KCNH1: variants seen among roughly 807,000 people sequenced by gnomAD.
The protein encoded by KCNH1 is voltage-gated delayed rectifier potassium channel KCNH1.
KCNH1 carries 27 observed loss-of-function variants against 69.2 expected under a neutral mutation model. That is an observed-to-expected ratio of 0.39 (90% confidence interval 0.29 to 0.54). The LOEUF is 0.54. Ranked by LOEUF, KCNH1 falls within the 20% of genes least tolerant of loss-of-function variation. The pLI, the probability that KCNH1 is intolerant of heterozygous loss-of-function variation, is 0.68. For missense variants in KCNH1, 798 were observed against 1,261.6 expected, an observed-to-expected ratio of 0.63 and a Z score of 5.57; for synonymous variants, 456 against 487.7, an observed-to-expected ratio of 0.93 and a Z score of 0.86.
chr1:210,703,532 A>T (rs1044160553), intron 10 of KCNH1, among the ~76,000 whole-genome samples: 2 of 152,236 alleles, frequency 1.3e-5, no homozygotes, highest in Non-Finnish European at 2.9e-5. Context: ...TAAAAGAAAT[A>T]ATGCATTTAA....
chr1:210,686,537 G>GGAGA (rs1341061708), intron 10 of KCNH1, among the ~76,000 whole-genome samples: 2 of 152,176 alleles, frequency 1.3e-5, no homozygotes, highest in Non-Finnish European at 2.9e-5. Flanking sequence ...AGAGAGGAGA[G>GGAGA]GAGAGAATAA....
chr1:211,020,506 C>A (rs11119659), intron 5 of KCNH1, among the ~76,000 whole-genome samples: 8,902 of 151,546 alleles, frequency 0.059, 328 homozygotes, highest in East Asian at 0.18. Context: ...AAAAAAATCT[C>A]CCAACAAAGA....
intron 6 of KCNH1, among the ~76,000 whole-genome samples, chr1:210,947,639 A>C (rs1239649550): frequency 6.6e-6 from 1 of 152,142 alleles, no homozygotes; most frequent in East Asian, 1.9e-4. Context: ...AATCAGTCAT[A>C]TATATGATGT....
At chr1:210,836,493 T>C (rs1196297158) in intron 7 of KCNH1, among the ~76,000 whole-genome samples, 1 of 152,104 alleles carries the variant, frequency 6.6e-6, no homozygotes, top group Non-Finnish European at 1.5e-5. Flanking sequence ...GCCCCTCAAT[T>C]TACTATAGAG....
intron 1 of KCNH1, among the ~76,000 whole-genome samples, chr1:211,108,207 A>G (rs1021513306): frequency 1.3e-5 from 2 of 152,190 alleles, no homozygotes; most frequent in East Asian, 1.9e-4. Flanking sequence ...CAGGATATCA[A>G]CTGTCCTTCC....
intron 6 of KCNH1, among the ~76,000 whole-genome samples, chr1:210,997,237 C>T (rs1019272688): frequency 6.6e-5 from 10 of 152,088 alleles, no homozygotes; most frequent in Non-Finnish European, 1.5e-4. Flanking sequence ...AAATTCAAAC[C>T]AATGGCAAAC....
intron 1 of KCNH1, among the ~76,000 whole-genome samples, chr1:211,111,630 C>T (rs1180017172): frequency 6.6e-6 from 1 of 150,466 alleles, no homozygotes; most frequent in Non-Finnish European, 1.5e-5. Flanking sequence ...TGCCCGGCCC[C>T]CGCCCCGTCT....
intron 9 of KCNH1, among the ~76,000 whole-genome samples, chr1:210,785,586 T>G (rs1684084181): frequency 6.6e-6 from 1 of 152,106 alleles, no homozygotes; most frequent in South Asian, 2.1e-4. Flanking sequence ...GGTGTTTCAC[T>G]GTGTTGACCA....
chr1:211,080,896 C>CAT (rs1690843730), intron 5 of KCNH1, among the ~76,000 whole-genome samples: 1 of 152,156 alleles, frequency 6.6e-6, no homozygotes, highest in African/African-American at 2.4e-5. Flanking sequence ...CCATTCAGGA[C>CAT]ATAGGCATGG....
intron 4 of KCNH1, among the ~76,000 whole-genome samples, chr1:211,086,470 G>C (rs1690954412): frequency 1.3e-5 from 2 of 152,146 alleles, no homozygotes; most frequent in African/African-American, 4.8e-5. Context: ...CGGATGCCAT[G>C]AGAAAATTGA....
intron 5 of KCNH1, among the ~76,000 whole-genome samples, chr1:211,070,418 T>TAAAAA (rs759773298): frequency 8.9e-6 from 1 of 112,558 alleles, no homozygotes; most frequent in Non-Finnish European, 2.0e-5. Context: ...ACTCCACCTT[T>TAAAAA]AAAAAAAAAA....
At chr1:210,810,088 G>A (rs2884382) in intron 7 of KCNH1, among the ~76,000 whole-genome samples, 45,204 of 151,800 alleles carry the variant, frequency 0.3, 7,663 homozygotes, top group Non-Finnish European at 0.4. Flanking sequence ...TTTTTTATGA[G>A]ACATCTTCTA....
intron 10 of KCNH1, among the ~76,000 whole-genome samples, chr1:210,719,922 G>A (rs1489088285): frequency 6.6e-6 from 1 of 152,138 alleles, no homozygotes; most frequent in Non-Finnish European, 1.5e-5. Flanking sequence ...CTGGCCCACT[G>A]GGCTTCCTTC....
At chr1:210,903,958 C>G (rs1687046429) in intron 7 of KCNH1, among the ~76,000 whole-genome samples, 1 of 152,146 alleles carries the variant, frequency 6.6e-6, no homozygotes, top group Non-Finnish European at 1.5e-5. Flanking sequence ...AATAGCCAAG[C>G]CAAGGACACC....
chr1:211,071,651 G>A (rs934178810), intron 5 of KCNH1, among the ~76,000 whole-genome samples: 20 of 152,032 alleles, frequency 1.3e-4, no homozygotes, highest in Non-Finnish European at 1.0e-4. Context: ...TATATTTTAC[G>A]ATAATAATAA....
intron 7 of KCNH1, among the ~76,000 whole-genome samples, chr1:210,821,056 T>C (rs939056942): frequency 5.3e-5 from 8 of 152,216 alleles, no homozygotes; most frequent in Non-Finnish European, 1.2e-4. Flanking sequence ...CATACCATCT[T>C]AAGTTTTTCA....
chr1:210,737,260 G>T (rs529423898), intron 10 of KCNH1, among the ~76,000 whole-genome samples: 1 of 152,252 alleles, frequency 6.6e-6, no homozygotes, highest in Non-Finnish European at 1.5e-5. Context: ...ACACCCAAAG[G>T]GAAGAGACTG....
At chr1:211,074,203 C>A (rs1423511962) in intron 5 of KCNH1, among the ~76,000 whole-genome samples, 1 of 148,874 alleles carries the variant, frequency 6.7e-6, no homozygotes, top group Admixed American at 6.7e-5. Flanking sequence ...AGTAAGTAAA[C>A]TGTATGTTAC....
Position 210,917,285 on chromosome 1 carries a change from AAAAG to A in KCNH1, c.1462+2351_1462+2354del, listed in dbSNP as rs200397275. Among the ~76,000 whole-genome samples the A allele has an allele frequency of 1.5e-3, 229 of 151,164 alleles. 3 individuals carry two copies. The East Asian group carries it at 0.032, about 21-fold the overall frequency. ...AAAGAAAGAAAGAAAGAAAGAAAAG[AAAAG>A]AAAGAGAAACACAGAGAGAGAGAGA... On this transcript the variant is annotated intron_variant, in intron 7 of 10. Coordinates refer to ENST00000271751, the MANE Select transcript of KCNH1 (RefSeq NM_172362.3).
Sources: gnomAD v4.1 joint callset for allele counts (sites outside exome capture counted in the v4.1 genomes callset) on GRCh38, gnomAD v4.1.1 for gene constraint, MANE v1.5 for transcripts, NCBI Gene and HGNC (gene_info 2026-07-23, HGNC 2026-07-21) for gene names.